Variants in ROBO2 observed in about 807,000 individuals in gnomAD.
ROBO2 encodes the protein roundabout guidance receptor 2, also known as roundabout homolog 2.
Under a neutral mutation model 160.8 loss-of-function variants are expected in ROBO2, and 53 were observed. The observed-to-expected ratio is 0.33, with a 90% CI of 0.26 to 0.41. The LOEUF (loss-of-function observed/expected upper bound fraction) is 0.41. Among genes scored for constraint, ROBO2 ranks in the 10% least tolerant of loss-of-function variants. ROBO2 has a pLI of 1.00. For missense variants in ROBO2, 1,577 were observed against 1,722.4 expected (o/e 0.92, Z 1.49); for synonymous variants, 664 against 611.7 (o/e 1.09, Z -1.26).
chr3:77,070,316 G>T (rs2067271878), intron 1 of ROBO2, among the ~76,000 whole-genome samples: 1 of 152,110 alleles, frequency 6.6e-6, no homozygotes, highest in African/African-American at 2.4e-5. Context: ...CATCTTCCTT[G>T]CCTCTTCCAG....
rs2093735038 is a variant in ROBO2 at position 76,737,633 on chromosome 3, A to G, written c.110-360381A>G. On this transcript the variant is annotated intron_variant, in intron 2 of 26. Transcript: ENST00000487694. ...TAGCTATATAAAATTCTATACTTCA[A>G]TAAATCTTTGTATCTATGAGTTTCT... Among the ~76,000 whole-genome samples, 3 of 152,278 alleles carry G rather than the reference A, an allele frequency of 2.0e-5. 1 individual carries two copies. The highest frequency in any genetic ancestry group is 4.4e-5 in the Non-Finnish European group (3 of 68,006).
At chr3:75,923,691 G>A (rs189779559) in intron 1 of ROBO2, among the ~76,000 whole-genome samples, 30 of 152,228 alleles carry the variant, frequency 2.0e-4, no homozygotes, top group Admixed American at 1.8e-3. Flanking sequence ...GGGTAGGCTC[G>A]GGAAAACAAA....
intron 2 of ROBO2, among the ~76,000 whole-genome samples, chr3:76,640,372 A>C (rs890251881): frequency 6.6e-6 from 1 of 152,030 alleles, no homozygotes; most frequent in African/African-American, 2.4e-5. Flanking sequence ...CTCTACTAAA[A>C]ATACAAAAAT....
At chr3:77,161,465 T>C (rs914205806) in intron 2 of ROBO2, among the ~76,000 whole-genome samples, 3 of 152,238 alleles carry the variant, frequency 2.0e-5, no homozygotes, top group Non-Finnish European at 4.4e-5. Flanking sequence ...CACTCTTAGA[T>C]GATATTAAAA....
At chr3:77,411,955 T>G (rs187161944) in intron 2 of ROBO2, among the ~76,000 whole-genome samples, 6 of 152,360 alleles carry the variant, frequency 3.9e-5, no homozygotes, top group Admixed American at 3.3e-4. Flanking sequence ...CTTCCCCTCT[T>G]TTAAATTTCC....
chr3:77,009,527 A>G (rs1432729060), intron 2 of ROBO2, among the ~76,000 whole-genome samples: 1 of 152,214 alleles, frequency 6.6e-6, no homozygotes, highest in Non-Finnish European at 1.5e-5. Context: ...TAAGTACTCT[A>G]TGATGTTCAT....
At chr3:75,966,043 T>G (rs1187723166) in intron 2 of ROBO2, among the ~76,000 whole-genome samples, 2 of 151,750 alleles carry the variant, frequency 1.3e-5, no homozygotes, top group Non-Finnish European at 1.5e-5. Context: ...AGAATCTTCA[T>G]TATTTCTGCG....
intron 2 of ROBO2, among the ~76,000 whole-genome samples, chr3:76,603,070 G>T (rs1037780705): frequency 6.6e-6 from 1 of 151,682 alleles, no homozygotes; most frequent in African/African-American, 2.4e-5. Flanking sequence ...AGTGGCTCAC[G>T]CCTGTAATCT....
chr3:77,506,103 G>A (rs2088481173), intron 5 of ROBO2, among the ~76,000 whole-genome samples: 1 of 152,082 alleles, frequency 6.6e-6, no homozygotes, highest in South Asian at 2.1e-4. Flanking sequence ...TCAAACCTCA[G>A]GTCTCTCTAA....
chr3:76,601,450 G>C (rs976681617), intron 2 of ROBO2, among the ~76,000 whole-genome samples: 2 of 152,174 alleles, frequency 1.3e-5, no homozygotes, highest in African/African-American at 4.8e-5. Context: ...TACAATTTTT[G>C]AAATCTAGGC....
intron 2 of ROBO2, among the ~76,000 whole-genome samples, chr3:76,945,928 A>T (rs1444507965): frequency 6.6e-6 from 1 of 151,964 alleles, no homozygotes; most frequent in Admixed American, 6.6e-5. Flanking sequence ...TGATTGGTGG[A>T]TTTTTTGGAA....
At chr3:76,555,953 T>C (rs2083764317) in intron 2 of ROBO2, among the ~76,000 whole-genome samples, 1 of 151,898 alleles carries the variant, frequency 6.6e-6, no homozygotes, top group Non-Finnish European at 1.5e-5. Flanking sequence ...TGGCCAGGTG[T>C]GGTGGTGGGC....
chr3:76,980,164 C>T (rs1044218366), intron 2 of ROBO2, among the ~76,000 whole-genome samples: 6 of 152,120 alleles, frequency 3.9e-5, no homozygotes, highest in African/African-American at 9.7e-5. Context: ...TGGCCATTCT[C>T]GGCTGCTTTT....
intron 2 of ROBO2, among the ~76,000 whole-genome samples, chr3:76,983,777 G>A (rs1364305681): frequency 6.6e-6 from 1 of 152,186 alleles, no homozygotes; most frequent in African/African-American, 2.4e-5. Flanking sequence ...TTACCATGAG[G>A]AAACTGAATT....
At chr3:76,435,753 G>A in intron 2 of ROBO2, among the ~76,000 whole-genome samples, 1 of 152,126 alleles carries the variant, frequency 6.6e-6, no homozygotes, top group Non-Finnish European at 1.5e-5. Context: ...CAAACAAACA[G>A]TCCATTGGAA....
intron 2 of ROBO2, among the ~76,000 whole-genome samples, chr3:76,933,585 T>G (rs2077492221): frequency 6.6e-6 from 1 of 152,236 alleles, no homozygotes; most frequent in East Asian, 1.9e-4. Flanking sequence ...TAATTTTCAT[T>G]AAATTTCAGA....
intron 2 of ROBO2, among the ~76,000 whole-genome samples, chr3:77,103,185 G>A (rs186738894): frequency 1.3e-5 from 2 of 152,282 alleles, no homozygotes; most frequent in Non-Finnish European, 2.9e-5. Flanking sequence ...TGTAGCCCCA[G>A]GTGGCAAATA....
intron 2 of ROBO2, among the ~76,000 whole-genome samples, chr3:77,180,416 C>CTCTCTCTCTCTCTCTCTCTCTCTATA (rs1433740534): frequency 1.1e-5 from 1 of 90,708 alleles, no homozygotes; most frequent in Non-Finnish European, 2.3e-5. Context: ...CTCTCTCTCT[C>CTCTCTCTCTCTCTCTCTCTCTCTATA]TATATATATA....
At chr3:77,037,688 T>C (rs2063722265), upstream of ROBO2, among the ~76,000 whole-genome samples, 2 of 152,306 alleles carry the variant, frequency 1.3e-5, no homozygotes, top group African/African-American at 4.8e-5. Context: ...TGAGTGATTT[T>C]ATAGTTTACT....
Sources: gnomAD v4.1 joint callset for allele counts (sites outside exome capture counted in the v4.1 genomes callset) on GRCh38, gnomAD v4.1.1 for gene constraint, MANE v1.5 for transcripts, NCBI Gene and HGNC (gene_info 2026-07-23, HGNC 2026-07-21) for gene names.